CTNND2: variants seen among roughly 807,000 people sequenced by gnomAD.
The protein encoded by CTNND2 is catenin delta-2.
A neutral mutation model predicts 144.4 loss-of-function variants in CTNND2; 22 were observed. The ratio of observed to expected loss-of-function variants is 0.15; its 90% CI spans 0.11 to 0.22. The LOEUF (loss-of-function observed/expected upper bound fraction) is 0.22. Ranked by LOEUF, CTNND2 falls within the 10% of genes least tolerant of loss-of-function variation. The pLI is 1.00. For synonymous variants in CTNND2, 751 were observed against 695.6 expected, an observed-to-expected ratio of 1.08 and a Z score of -1.25; for missense variants, 1,353 against 1,618.8, an observed-to-expected ratio of 0.84 and a Z score of 2.82.
At chr5:11,449,426 C>T (rs1202977100) in intron 3 of CTNND2, among the ~76,000 whole-genome samples, 1 of 152,198 alleles carries the variant, frequency 6.6e-6, no homozygotes, top group Non-Finnish European at 1.5e-5. Flanking sequence ...TTATTGGCTG[C>T]TCTGCTGTCC....
chr5:11,323,186 C>T (rs1269167987), intron 9 of CTNND2, among the ~76,000 whole-genome samples: 1 of 149,446 alleles, frequency 6.7e-6, no homozygotes, highest in Non-Finnish European at 1.5e-5. Context: ...CTACAGTGTG[C>T]ACCACCACTG....
chr5:11,226,717 T>C (rs528605625), intron 10 of CTNND2, among the ~76,000 whole-genome samples: 169 of 152,322 alleles, frequency 1.1e-3, no homozygotes, highest in African/African-American at 3.9e-3. Context: ...GTCCCTCCCA[T>C]GACATGTGGG....
chr5:11,499,435 A>G (rs1239477075), intron 3 of CTNND2, among the ~76,000 whole-genome samples: 1 of 152,224 alleles, frequency 6.6e-6, no homozygotes, highest in African/African-American at 2.4e-5. Context: ...TTTCTGGTTT[A>G]TTTGAAGCAT....
intron 9 of CTNND2, among the ~76,000 whole-genome samples, chr5:11,289,133 G>A (rs1748051252): frequency 6.6e-6 from 1 of 152,176 alleles, no homozygotes; most frequent in Non-Finnish European, 1.5e-5. Flanking sequence ...CTTAGCACAG[G>A]TCTCATGAGA....
chr5:11,699,588 C>T (rs1395787440), intron 2 of CTNND2, among the ~76,000 whole-genome samples: 1 of 152,064 alleles, frequency 6.6e-6, no homozygotes, highest in South Asian at 2.1e-4. Context: ...TCGGGGATAT[C>T]ATGAATTGCA....
At chr5:11,309,771 T>C (rs1750609929) in intron 9 of CTNND2, among the ~76,000 whole-genome samples, 1 of 152,208 alleles carries the variant, frequency 6.6e-6, no homozygotes, top group African/African-American at 2.4e-5. Context: ...CAAAATCTTG[T>C]GTCAAATTGT....
chr5:11,353,934 T>A (rs989274988), intron 8 of CTNND2, among the ~76,000 whole-genome samples: 1 of 152,070 alleles, frequency 6.6e-6, no homozygotes, highest in African/African-American at 2.4e-5. Flanking sequence ...TCCATAAAAA[T>A]GGAAATAGGA....
intron 1 of CTNND2, among the ~76,000 whole-genome samples, chr5:11,841,896 A>G (rs16901924): frequency 0.011 from 1,663 of 151,650 alleles, 20 homozygotes; most frequent in East Asian, 0.063. Context: ...AGTATCAATC[A>G]ATCGCACTCC....
chr5:11,351,543 T>G (rs2149748561), intron 8 of CTNND2, among the ~76,000 whole-genome samples: 1 of 152,300 alleles, frequency 6.6e-6, no homozygotes, highest in Non-Finnish European at 1.5e-5. Flanking sequence ...GTGCTGTATT[T>G]GTTTGAAAAA....
Position 10,992,559 on chromosome 5 carries a change from T to C in CTNND2, c.3203A>G (p.Asn1068Ser), listed in dbSNP as rs1327804785. 1 of 1,613,566 alleles carries C rather than the reference T, an allele frequency of 6.2e-7. No homozygotes were observed. Among genetic ancestry groups the C allele is most frequent in the East Asian group, 2.2e-5 (1 of 44,828 alleles). ...CCACGGCAGCCTCTTACCTGAGCGGTTGTTGGGAGACACGCGCACAGGGGA... is the reference window on the plus strand; with the variant it reads ...CCACGGCAGCCTCTTACCTGAGCGGCTGTTGGGAGACACGCGCACAGGGGA... The part of the protein sequence containing the change: ...SISPVRVSPN[N>S]RSASAPASPR... Residue 1068 changes from asparagine (N) to serine (S), a missense_variant, in exon 19 of 22, where the codon AAC (asparagine) becomes AGC (serine). By Grantham distance (46) the Asn-to-Ser change is conservative. Coordinates refer to ENST00000304623, the MANE Select transcript of CTNND2 (RefSeq NM_001332.4).
intron 1 of CTNND2, among the ~76,000 whole-genome samples, chr5:11,872,802 TG>T (rs1735257346): frequency 6.6e-6 from 1 of 152,178 alleles, no homozygotes; most frequent in Admixed American, 6.6e-5. Context: ...GCTAGCCATA[TG>T]CAGAAAACTG....
intron 1 of CTNND2, among the ~76,000 whole-genome samples, chr5:11,835,627 G>A (rs957601988): frequency 1.3e-5 from 2 of 152,016 alleles, no homozygotes; most frequent in African/African-American, 2.4e-5. Flanking sequence ...CCTTACTATC[G>A]TTTTAATAGC....
intron 1 of CTNND2, among the ~76,000 whole-genome samples, chr5:11,764,888 C>A (rs1034023066): frequency 6.6e-6 from 1 of 151,774 alleles, no homozygotes; most frequent in Non-Finnish European, 1.5e-5. Context: ...GAATCAAAGT[C>A]AAACTTACAT....
At chr5:11,419,026 C>CTATA (rs1265992031) in intron 3 of CTNND2, among the ~76,000 whole-genome samples, 1 of 125,128 alleles carries the variant, frequency 8.0e-6, no homozygotes, top group African/African-American at 2.9e-5. Context: ...AGATGTCTAT[C>CTATA]TATATATAGA....
intron 1 of CTNND2, among the ~76,000 whole-genome samples, chr5:11,876,385 A>G (rs546539001): frequency 6.6e-6 from 1 of 152,296 alleles, no homozygotes; most frequent in Admixed American, 6.5e-5. Flanking sequence ...TTTTATATAT[A>G]ATCTTTCAAC....
intron 1 of CTNND2, among the ~76,000 whole-genome samples, chr5:11,900,429 G>T (rs773509813): frequency 6.6e-6 from 1 of 152,302 alleles, no homozygotes; most frequent in Non-Finnish European, 1.5e-5. Context: ...CCCTGTGTTG[G>T]AGGTACTGTT....
At position 11,085,910 on chromosome 5, in the gene CTNND2, T is replaced by C. The variant is rs61755747; in HGVS notation, c.2638-3064A>G. On this transcript the variant is annotated intron_variant, in intron 15 of 21. Coordinates refer to ENST00000304623, the MANE Select transcript of CTNND2 (RefSeq NM_001332.4). ...GGCTGCTCTTCTAGGATGACTGCAG[T>C]GGCTGAGCAAGACTCAGTGAAGTCT... Among the ~76,000 whole-genome samples the C allele has an allele frequency of 5.9e-4, 90 of 152,138 alleles. 1 individual carries two copies. Among genetic ancestry groups the C allele is most frequent in the African/African-American group, 2.0e-3 (83 of 41,504 alleles).
At chr5:11,726,534 C>T (rs6554635) in intron 2 of CTNND2, among the ~76,000 whole-genome samples, 14,643 of 152,118 alleles carry the variant, frequency 0.096, 1,485 homozygotes, top group African/African-American at 0.26. Context: ...TTTTACACAA[C>T]ATGCATGAAT....
intron 18 of CTNND2, among the ~76,000 whole-genome samples, chr5:11,002,404 C>A (rs1740047694): frequency 6.6e-6 from 1 of 152,314 alleles, no homozygotes; most frequent in Admixed American, 6.5e-5. Context: ...GGTGAGAGCA[C>A]CCTACTTCTG....
Sources: allele counts gnomAD v4.1 joint callset (sites outside exome capture counted in the v4.1 genomes callset), GRCh38; gene constraint gnomAD v4.1.1; transcripts MANE v1.5; gene names NCBI Gene and HGNC (gene_info 2026-07-23, HGNC 2026-07-21).